SUMF1: variants seen among roughly 807,000 people sequenced by gnomAD.
SUMF1 encodes the protein formylglycine-generating enzyme.
In SUMF1, 48 loss-of-function variants were observed where a neutral mutation model predicts 47.6. That is an observed-to-expected ratio of 1.01 (90% CI 0.80 to 1.28). The LOEUF is 1.28. Among genes scored for constraint, SUMF1 ranks in the 50% most tolerant of loss-of-function variants. The probability of loss-of-function intolerance (pLI) is 0.00; values close to 1 mark genes in which losing one functional copy is unlikely to be tolerated. For missense variants in SUMF1, 571 were observed against 485.4 expected (o/e 1.18, Z -1.66); for synonymous variants, 230 against 192.1 (o/e 1.20, Z -1.63).
chr3:4,233,574 G>A (rs1001130933), intron 8 of SUMF1, among the ~76,000 whole-genome samples: 1 of 152,030 alleles, frequency 6.6e-6, no homozygotes, highest in African/African-American at 2.4e-5. Context: ...TATACTGACA[G>A]AACAGACAAC....
intron 8 of SUMF1, among the ~76,000 whole-genome samples, chr3:4,335,960 C>CAAAAAAAAAAAAAAAAAAAAAAAAAA (rs770091674): frequency 1.5e-4 from 11 of 73,888 alleles, no homozygotes; most frequent in African/African-American, 7.1e-4. Flanking sequence ...GATTCCAACT[C>CAAAAAAAAAAAAAAAAAAAAAAAAAA]AAAAAAAAAA....
At chr3:4,314,881 C>T (rs1015497883) in intron 8 of SUMF1, among the ~76,000 whole-genome samples, 4 of 152,188 alleles carry the variant, frequency 2.6e-5, no homozygotes, top group African/African-American at 9.6e-5. Context: ...CATTTAAACC[C>T]TACCACTAGG....
At chr3:4,066,389 A>G (rs1695376519) in intron 9 of SUMF1, among the ~76,000 whole-genome samples, 1 of 152,154 alleles carries the variant, frequency 6.6e-6, no homozygotes, top group Admixed American at 6.6e-5. Context: ...TATATTTCTG[A>G]AACCAACCAA....
chr3:4,213,717 T>C (rs967673084), intron 8 of SUMF1, among the ~76,000 whole-genome samples: 1 of 152,078 alleles, frequency 6.6e-6, no homozygotes, highest in African/African-American at 2.4e-5. Flanking sequence ...TGGAGGAATA[T>C]TTACCAAGCA....
intron 2 of SUMF1, among the ~76,000 whole-genome samples, chr3:4,450,427 C>T (rs1038889182): frequency 3.9e-5 from 6 of 152,250 alleles, no homozygotes. Context: ...ACTCCTTTTC[C>T]GGAGTGGAGG....
chr3:4,398,472 G>A (rs182712153), intron 7 of SUMF1, among the ~76,000 whole-genome samples: 24 of 152,176 alleles, frequency 1.6e-4, no homozygotes, highest in African/African-American at 5.3e-4. Flanking sequence ...TTAATAACCT[G>A]GTTTTATTTC....
At chr3:4,210,628 T>TCAGTTTCCCTG (rs1695759227) in intron 8 of SUMF1, among the ~76,000 whole-genome samples, 1 of 152,044 alleles carries the variant, frequency 6.6e-6, no homozygotes. Flanking sequence ...TTTTTTAACT[T>TCAGTTTCCCTG]TTAAGTTCAG....
At chr3:4,231,992 T>C (rs866403816) in intron 8 of SUMF1, among the ~76,000 whole-genome samples, 1 of 152,154 alleles carries the variant, frequency 6.6e-6, no homozygotes. Context: ...AAGAGAATTA[T>C]TTTAATGGGA....
chr3:4,040,353 A>C (rs1049280132), intron 9 of SUMF1, among the ~76,000 whole-genome samples: 3 of 152,154 alleles, frequency 2.0e-5, no homozygotes, highest in African/African-American at 7.2e-5. Flanking sequence ...TTAATTTTAC[A>C]ACATACTATG....
intron 8 of SUMF1, among the ~76,000 whole-genome samples, chr3:4,341,453 G>T (rs922733544): frequency 1.3e-5 from 2 of 152,072 alleles, no homozygotes; most frequent in Non-Finnish European, 2.9e-5. Flanking sequence ...TGCTGTGAAT[G>T]AATACATAGC....
At chr3:4,353,026 G>A (rs995539186) in intron 8 of SUMF1, among the ~76,000 whole-genome samples, 4 of 152,068 alleles carry the variant, frequency 2.6e-5, no homozygotes, top group Non-Finnish European at 5.9e-5. Context: ...TTGGTTTCAG[G>A]ATCCCTTTAC....
At chr3:4,267,891 T>C (rs1390527413) in intron 8 of SUMF1, among the ~76,000 whole-genome samples, 1 of 150,120 alleles carries the variant, frequency 6.7e-6, no homozygotes, top group African/African-American at 2.5e-5. Context: ...ACTGGGTATA[T>C]ACCCAAAGGA....
chr3:4,242,323 G>C (rs1026586278), intron 8 of SUMF1, among the ~76,000 whole-genome samples: 2 of 152,180 alleles, frequency 1.3e-5, no homozygotes, highest in Non-Finnish European at 2.9e-5. Context: ...TTGAATAGGA[G>C]TGGTGAGAGA....
intron 8 of SUMF1, among the ~76,000 whole-genome samples, chr3:4,241,902 C>T (rs577853069): frequency 2.0e-5 from 3 of 152,278 alleles, no homozygotes; most frequent in Admixed American, 6.5e-5. Flanking sequence ...CCAGTTGTGA[C>T]ATTTACATAA....
chr3:4,054,097 ATCACG>A (rs1171207926), intron 9 of SUMF1, among the ~76,000 whole-genome samples: 2 of 152,106 alleles, frequency 1.3e-5, no homozygotes, highest in Admixed American at 1.3e-4. Context: ...AATGAAACTA[ATCACG>A]TCAGAGAAAA....
At chr3:4,326,483 G>T (rs1208756278) in intron 8 of SUMF1, among the ~76,000 whole-genome samples, 1 of 148,170 alleles carries the variant, frequency 6.7e-6, no homozygotes, top group Non-Finnish European at 1.5e-5. Flanking sequence ...CCCTATAAAG[G>T]AATTTCATAA....
chr3:4,328,741 GC>G, intron 8 of SUMF1, among the ~76,000 whole-genome samples: 1 of 152,224 alleles, frequency 6.6e-6, no homozygotes, highest in Middle Eastern at 3.4e-3. Flanking sequence ...AACCAGTCAT[GC>G]CTTCCCAACA....
intron 6 of SUMF1, among the ~76,000 whole-genome samples, chr3:4,415,509 T>G (rs1285050160): frequency 6.6e-6 from 1 of 152,134 alleles, no homozygotes. Flanking sequence ...GCTGGGAATC[T>G]ATCTTTAAAA....
chr3:4,390,632 G>A (rs781620462), intron 7 of SUMF1, among the ~76,000 whole-genome samples: 58 of 152,288 alleles, frequency 3.8e-4, no homozygotes, highest in Admixed American at 6.5e-5. Flanking sequence ...ACCCAGGCTG[G>A]AGTACAGTGG....
Sources: gnomAD v4.1 joint callset for allele counts (sites outside exome capture counted in the v4.1 genomes callset) on GRCh38, gnomAD v4.1.1 for gene constraint, MANE v1.5 for transcripts, NCBI Gene and HGNC (gene_info 2026-07-23, HGNC 2026-07-21) for gene names.